The following HPSE2 variants were observed in gnomAD, a reference collection of about 807,000 sequenced individuals.
HPSE2 encodes the protein inactive heparanase-2.
In HPSE2, 38 loss-of-function variants were observed where a neutral mutation model predicts 60.5. The ratio of observed to expected loss-of-function variants is 0.63; its 90% confidence interval spans 0.48 to 0.82. The LOEUF is 0.82. HPSE2 is among the 40% of genes least tolerant of loss of function. The pLI, the probability that HPSE2 is intolerant of heterozygous loss-of-function variation, is 0.00. For synonymous variants in HPSE2, 295 were observed against 293.2 expected, an observed-to-expected ratio of 1.01 and a Z score of -0.06; for missense variants, 713 against 740.4, an observed-to-expected ratio of 0.96 and a Z score of 0.43.
chr10:98,543,967 G>A (rs1295645670), intron 9 of HPSE2, among the ~76,000 whole-genome samples: 1 of 148,228 alleles, frequency 6.7e-6, no homozygotes. Context: ...ACTCAGCTCT[G>A]CACCAAGCAG....
In HPSE2 at chr10:98,542,872, G is replaced by A. The variant is rs1468717244; in HGVS notation, c.1321-52676C>T. ...TCTGATTGGTGTACCTGAAAGTGAC[G>A]GGGAGAATGGAACCAAGTTGGAAAA... On this transcript the variant is annotated intron_variant, in intron 9 of 11. Transcript: ENST00000370552. Among the ~76,000 whole-genome samples, 192 of 152,226 alleles carry A rather than the reference G, an allele frequency of 1.3e-3. No individual in the cohort carries two copies. In the Middle Eastern group the frequency reaches 0.014, roughly 11 times the overall value.
chr10:99,023,695 T>C (rs1957315318), intron 3 of HPSE2, among the ~76,000 whole-genome samples: 1 of 152,242 alleles, frequency 6.6e-6, no homozygotes, highest in Non-Finnish European at 1.5e-5. Flanking sequence ...CAAGAGTCTC[T>C]GCCTGATAAT....
chr10:98,596,598 A>G lies in HPSE2; in HGVS notation c.1320+18306T>C, dbSNP rs149034089. On this transcript the variant is annotated intron_variant, in intron 9 of 11. Transcript: ENST00000370552. ...ATCTTTCATTTATTTCTGAAGTGCA[A>G]CTTTCCTGGGTAAAGTATTCTTGGT... Among the ~76,000 whole-genome samples, 672 of 151,918 alleles carry G rather than the reference A, an allele frequency of 4.4e-3. 2 individuals are homozygous for G. Among genetic ancestry groups the G allele is most frequent in the Admixed American group, 6.2e-3 (94 of 15,250 alleles).
intron 3 of HPSE2, among the ~76,000 whole-genome samples, chr10:98,981,799 C>T (rs1310399261): frequency 6.6e-6 from 1 of 152,030 alleles, no homozygotes; most frequent in African/African-American, 2.4e-5. Flanking sequence ...GTATTTCTCC[C>T]TTACTACTCT....
At chr10:99,089,590 T>G (rs1414419711) in intron 3 of HPSE2, among the ~76,000 whole-genome samples, 1 of 152,254 alleles carries the variant, frequency 6.6e-6, no homozygotes, top group African/African-American at 2.4e-5. Flanking sequence ...AAATATAATT[T>G]GAAGCTAGGT....
chr10:99,226,655 T>A (rs1217457387), intron 2 of HPSE2, among the ~76,000 whole-genome samples: 1 of 152,006 alleles, frequency 6.6e-6, no homozygotes, highest in African/African-American at 2.4e-5. Context: ...ATTTTCCCCT[T>A]TGGAGACTCT....
chr10:98,755,408 C>T (rs1208148744), intron 3 of HPSE2, among the ~76,000 whole-genome samples: 1 of 151,874 alleles, frequency 6.6e-6, no homozygotes, highest in Non-Finnish European at 1.5e-5. Flanking sequence ...ATTTAGATAC[C>T]CACACAATAA....
chr10:99,058,872 T>C (rs1446932458), intron 3 of HPSE2, among the ~76,000 whole-genome samples: 1 of 152,180 alleles, frequency 6.6e-6, no homozygotes, highest in Non-Finnish European at 1.5e-5. Context: ...AAATTCTGCC[T>C]CAGTCTGCTA....
At chr10:98,463,708 G>A (rs1275863799) in intron 11 of HPSE2, among the ~76,000 whole-genome samples, 1 of 152,140 alleles carries the variant, frequency 6.6e-6, no homozygotes, top group Non-Finnish European at 1.5e-5. Context: ...GGGAGGCTGA[G>A]GTGGGAGGAT....
chr10:99,267,777 CA>C, the HPSE2 span, among the ~76,000 whole-genome samples: 281 of 130,172 alleles, frequency 2.2e-3, 3 homozygotes, highest in African/African-American at 7.9e-3. Flanking sequence ...GAGACTCCAT[CA>C]AAAAAAAAAA....
Position 98,655,121 on chromosome 10 carries a change from T to G in HPSE2, c.1005-13181A>C, listed in dbSNP as rs7894910. On this transcript the variant is annotated intron_variant, in intron 6 of 11. Coordinates refer to ENST00000370552, the MANE Select transcript of HPSE2 (RefSeq NM_021828.5). ...TGTCCCTGGGCTATGATCTTCACCTTTTTTTCCCAGTAGCATAGCTTTCCC... is the reference window on the plus strand; with the variant it reads ...TGTCCCTGGGCTATGATCTTCACCTGTTTTTCCCAGTAGCATAGCTTTCCC... 8.9e-3 allele frequency among the ~76,000 whole-genome samples: 1,361 copies of G among 152,210 alleles called. 18 individuals are homozygous for G. Among genetic ancestry groups the G allele is most frequent in the African/African-American group, 0.03 (1,254 of 41,518 alleles).
intron 4 of HPSE2, among the ~76,000 whole-genome samples, chr10:98,735,848 G>A (rs1949343683): frequency 6.6e-6 from 1 of 152,178 alleles, no homozygotes; most frequent in East Asian, 1.9e-4. Context: ...ACTTGCTTTT[G>A]ATTTTACAGG....
intron 3 of HPSE2, among the ~76,000 whole-genome samples, chr10:98,893,193 G>A (rs904314433): frequency 5.9e-5 from 9 of 151,832 alleles, no homozygotes; most frequent in East Asian, 3.9e-4. Context: ...TCATCTTCCC[G>A]AGCAGCTGGG....
At chr10:98,600,926 T>TATATATATATATATATATATATATA (rs1554950578) in intron 9 of HPSE2, among the ~76,000 whole-genome samples, 2 of 107,898 alleles carry the variant, frequency 1.9e-5, no homozygotes, top group Non-Finnish European at 3.7e-5. Flanking sequence ...TATATATATA[T>TATATATATATATATATATATATATA]ATATATATAT....
the HPSE2 span, among the ~76,000 whole-genome samples, chr10:99,303,800 G>GC: frequency 3.9e-5 from 6 of 152,102 alleles, no homozygotes; most frequent in Admixed American, 3.9e-4. Context: ...TTCCTGCTCT[G>GC]TTTTTTACCC....
At chr10:98,749,947 T>TATATATATATAC in intron 3 of HPSE2, among the ~76,000 whole-genome samples, 3,492 of 98,458 alleles carry the variant, frequency 0.035, 101 homozygotes, top group Non-Finnish European at 0.048. Context: ...TATATATATA[T>TATATATATATAC]ACACACACAC....
chr10:98,672,882 CGT>C (rs1341560740), intron 6 of HPSE2, among the ~76,000 whole-genome samples: 3 of 152,086 alleles, frequency 2.0e-5, no homozygotes, highest in Non-Finnish European at 4.4e-5. Flanking sequence ...AATGATAACT[CGT>C]ATTGAGATCA....
chr10:98,742,031 GACTTT>G (rs1949510076), intron 4 of HPSE2, among the ~76,000 whole-genome samples: 1 of 152,150 alleles, frequency 6.6e-6, no homozygotes, highest in Non-Finnish European at 1.5e-5. Context: ...ATCAGTAAAA[GACTTT>G]ACTGACAATG....
chr10:99,180,899 A>C (rs1847738093), intron 2 of HPSE2, among the ~76,000 whole-genome samples: 2 of 147,814 alleles, frequency 1.4e-5, no homozygotes, highest in African/African-American at 5.0e-5. Context: ...CAAAAAAAAA[A>C]AAAAAAAAAA....
Sources: allele counts gnomAD v4.1 joint callset (sites outside exome capture counted in the v4.1 genomes callset), GRCh38; gene constraint gnomAD v4.1.1; transcripts MANE v1.5; gene names NCBI Gene and HGNC (gene_info 2026-07-23, HGNC 2026-07-21).